Variants in ELAVL2 observed in about 807,000 individuals in gnomAD.
ELAVL2 encodes ELAV-like protein 2.
ELAVL2 carries 4 observed loss-of-function variants against 34.6 expected under a neutral mutation model. That is an observed-to-expected ratio of 0.12 (90% CI 0.06 to 0.26). The LOEUF (loss-of-function observed/expected upper bound fraction) is 0.26. Ranked by LOEUF, ELAVL2 falls within the 10% of genes least tolerant of loss-of-function variation. The pLI is 1.00. For missense variants in ELAVL2, 432 were observed against 442.8 expected, an observed-to-expected ratio of 0.98 and a Z score of 0.22; for synonymous variants, 193 against 154.8, an observed-to-expected ratio of 1.25 and a Z score of -1.83.
chr9:23,841,605 A>G, the ELAVL2 span, among the ~76,000 whole-genome samples: 1 of 152,148 alleles, frequency 6.6e-6, no homozygotes, highest in African/African-American at 2.4e-5. Context: ...ATATAATTCA[A>G]CATCATGTAT....
the ELAVL2 span, among the ~76,000 whole-genome samples, chr9:23,838,255 C>G: frequency 6.6e-6 from 1 of 151,320 alleles, no homozygotes; most frequent in Admixed American, 6.6e-5. Context: ...ATTTTGAGCA[C>G]GCATTCTTTT....
intron 1 of ELAVL2, among the ~76,000 whole-genome samples, chr9:23,799,054 C>T (rs2061292518): frequency 1.3e-5 from 2 of 152,136 alleles, no homozygotes; most frequent in Non-Finnish European, 2.9e-5. Flanking sequence ...TATTAAAACC[C>T]TTATCATAAT....
At chr9:23,816,132 A>G (rs571429955) in intron 1 of ELAVL2, among the ~76,000 whole-genome samples, 5 of 152,168 alleles carry the variant, frequency 3.3e-5, no homozygotes, top group African/African-American at 9.6e-5. Flanking sequence ...TTCTCTAGGA[A>G]GAGACAGCTA....
At chr9:23,790,067 G>GA (rs750872564) in intron 1 of ELAVL2, among the ~76,000 whole-genome samples, 3,316 of 149,380 alleles carry the variant, frequency 0.022, 196 homozygotes, top group Admixed American at 0.12. Flanking sequence ...GTAAAAAAGG[G>GA]GAAAAAAAAA....
chr9:23,805,894 G>A (rs1387983502), intron 1 of ELAVL2, among the ~76,000 whole-genome samples: 1 of 151,906 alleles, frequency 6.6e-6, no homozygotes, highest in African/African-American at 2.4e-5. Context: ...GGTATTAACA[G>A]GTCATAAATA....
chr9:23,810,645 C>T (rs930566374), intron 1 of ELAVL2, among the ~76,000 whole-genome samples: 6 of 152,130 alleles, frequency 3.9e-5, no homozygotes, highest in African/African-American at 7.2e-5. Flanking sequence ...GTAGAAAGAA[C>T]ATCATTCTGG....
intron 1 of ELAVL2, among the ~76,000 whole-genome samples, chr9:23,816,983 A>G (rs912324714): frequency 5.9e-5 from 9 of 152,178 alleles, no homozygotes; most frequent in Non-Finnish European, 1.2e-4. Flanking sequence ...AGGTACATCA[A>G]ACTGTAGATA....
intron 3 of ELAVL2, among the ~76,000 whole-genome samples, chr9:23,730,022 G>A (rs117471239): frequency 1.3e-5 from 2 of 152,062 alleles, no homozygotes; most frequent in Non-Finnish European, 2.9e-5. Context: ...GTTCAAACTT[G>A]AGTCAATTGA....
upstream of ELAVL2, among the ~76,000 whole-genome samples, chr9:23,830,625 C>CACACACACACACACACACACA (rs1554774159): frequency 2.1e-4 from 30 of 141,978 alleles, no homozygotes; most frequent in Non-Finnish European, 2.5e-4. Context: ...CACACACACA[C>CACACACACACACACACACACA]CTTTTTTTTT....
At chr9:23,831,065 G>C (rs775058372), upstream of ELAVL2, among the ~76,000 whole-genome samples, 5 of 152,206 alleles carry the variant, frequency 3.3e-5, no homozygotes, top group Non-Finnish European at 7.3e-5. Context: ...CAAAGTTAAA[G>C]GAAACCATCT....
At chr9:23,730,862 A>G (rs1267949305) in intron 3 of ELAVL2, among the ~76,000 whole-genome samples, 160 bp downstream of exon 3, 1 of 151,746 alleles carries the variant, frequency 6.6e-6, no homozygotes. Context: ...CTCTTGAACA[A>G]ACAGTTTCTT....
At chr9:23,736,826 C>T (rs148253714) in intron 2 of ELAVL2, among the ~76,000 whole-genome samples, 1 of 152,194 alleles carries the variant, frequency 6.6e-6, no homozygotes, top group Non-Finnish European at 1.5e-5. Context: ...CAAATCTAAC[C>T]ATACTCTGGT....
At chr9:23,697,956 C>G (rs1398219516) in intron 5 of ELAVL2, among the ~76,000 whole-genome samples, 1 of 151,540 alleles carries the variant, frequency 6.6e-6, no homozygotes, top group Non-Finnish European at 1.5e-5. Flanking sequence ...CTGCCTTATT[C>G]AATTAGATGG....
chr9:23,737,155 T>TA (rs1173961772), intron 2 of ELAVL2, among the ~76,000 whole-genome samples: 1 of 152,202 alleles, frequency 6.6e-6, no homozygotes, highest in Non-Finnish European at 1.5e-5. Flanking sequence ...AAGCAGAACA[T>TA]AGTTCCTGAC....
the ELAVL2 span, among the ~76,000 whole-genome samples, chr9:23,835,960 C>T: frequency 6.6e-6 from 1 of 152,184 alleles, no homozygotes; most frequent in East Asian, 1.9e-4. Context: ...GCCCAGTCAT[C>T]TGACTGCCAG....
chr9:23,743,562 T>C (rs867988012), intron 2 of ELAVL2, among the ~76,000 whole-genome samples: 1 of 152,296 alleles, frequency 6.6e-6, no homozygotes, highest in Admixed American at 6.5e-5. Context: ...CCACTGACTT[T>C]AAAGTATATT....
At position 23,769,465 on chromosome 9, in the gene ELAVL2, T is replaced by G. The variant is rs1317626693; in HGVS notation, c.-15-7216A>C. 1.3e-5 allele frequency among the ~76,000 whole-genome samples: 2 copies of G among 152,200 alleles called. 1 individual carries two copies. Among genetic ancestry groups the G allele is most frequent in the Non-Finnish European group, 2.9e-5 (2 of 68,036 alleles). Reference sequence around the variant, plus strand: ...GGTTTCACTTAATTAAGCAAGAGAATAGTCAACCAAGTGCTAAAATCACAA... The same window carrying G: ...GGTTTCACTTAATTAAGCAAGAGAAGAGTCAACCAAGTGCTAAAATCACAA... On this transcript the variant is annotated intron_variant, in intron 1 of 6. Coordinates refer to ENST00000397312, the MANE Select transcript of ELAVL2 (RefSeq NM_004432.5).
chr9:23,791,673 A>G lies in ELAVL2; in HGVS notation c.-15-29424T>C, dbSNP rs1159118761. 3.3e-5 allele frequency among the ~76,000 whole-genome samples: 5 copies of G among 152,334 alleles called. No individual in the cohort carries two copies. In the East Asian group the frequency reaches 5.8e-4, roughly 18 times the overall value. On this transcript the variant is annotated intron_variant, in intron 1 of 6. Transcript: ENST00000397312. ...CATATAAGAAAAGGAAGAGACACCA[A>G]TGATTTCTCCTTCTTTACATACCCA... is the stretch of plus-strand genomic sequence containing the variant.
intron 1 of ELAVL2, among the ~76,000 whole-genome samples, chr9:23,785,349 A>G (rs2059554873): frequency 1.3e-5 from 2 of 152,218 alleles, no homozygotes. Context: ...GTTCTTCAGC[A>G]GCCAAGTAAG....
Sources: gnomAD v4.1 joint callset for allele counts (sites outside exome capture counted in the v4.1 genomes callset) on GRCh38, gnomAD v4.1.1 for gene constraint, MANE v1.5 for transcripts, NCBI Gene and HGNC (gene_info 2026-07-23, HGNC 2026-07-21) for gene names.